Variants in AGBL1 observed in about 807,000 individuals in gnomAD.
The protein encoded by AGBL1 is cytosolic carboxypeptidase 4.
In AGBL1, 130 loss-of-function variants were observed where a neutral mutation model predicts 118.9. The ratio of observed to expected loss-of-function variants is 1.09; its 90% CI spans 0.95 to 1.26. The LOEUF (loss-of-function observed/expected upper bound fraction) is 1.26, where lower values mean the gene tolerates loss of function less well. Ranked by LOEUF, AGBL1 falls within the 50% of genes most tolerant of loss-of-function variation. AGBL1 has a pLI of 0.00. For missense variants in AGBL1, 1,584 were observed against 1,298.1 expected, an observed-to-expected ratio of 1.22 and a Z score of -3.38; for synonymous variants, 555 against 478.9, an observed-to-expected ratio of 1.16 and a Z score of -2.08.
chr15:86,738,011 TATATC>T (rs1396560636), intron 22 of AGBL1, among the ~76,000 whole-genome samples: 2 of 152,180 alleles, frequency 1.3e-5, no homozygotes, highest in Non-Finnish European at 2.9e-5. Flanking sequence ...ATAAATGTGA[TATATC>T]ACATCAACAG....
At chr15:86,671,752 T>C (rs1251816786) in intron 21 of AGBL1, among the ~76,000 whole-genome samples, 1 of 152,160 alleles carries the variant, frequency 6.6e-6, no homozygotes, top group Non-Finnish European at 1.5e-5. Context: ...CAAGTTCTAC[T>C]TGACAGTTAC....
chr15:86,274,181 T>C (rs1325448500), intron 15 of AGBL1, among the ~76,000 whole-genome samples: 1 of 152,248 alleles, frequency 6.6e-6, no homozygotes, highest in Non-Finnish European at 1.5e-5. Flanking sequence ...ACCTAATTGT[T>C]ACATCTTTAT....
At chr15:86,395,980 C>T (rs764335331) in intron 17 of AGBL1, among the ~76,000 whole-genome samples, 11 of 151,594 alleles carry the variant, frequency 7.3e-5, no homozygotes, top group East Asian at 1.9e-4. Context: ...TGAGTAAGAT[C>T]GTATCATGTT....
intron 21 of AGBL1, among the ~76,000 whole-genome samples, chr15:86,644,161 A>C (rs1340062019): frequency 6.6e-6 from 1 of 152,190 alleles, no homozygotes; most frequent in Non-Finnish European, 1.5e-5. Flanking sequence ...TGACTACTTT[A>C]TTATATTGTG....
chr15:86,753,510 G>T (rs150103624), intron 22 of AGBL1, among the ~76,000 whole-genome samples: 136 of 143,564 alleles, frequency 9.5e-4, no homozygotes, highest in African/African-American at 3.3e-3. Flanking sequence ...CAATTCTCTT[G>T]CCTTAGCTTG....
At chr15:86,469,066 C>T (rs1325232500) in intron 18 of AGBL1, among the ~76,000 whole-genome samples, 2 of 151,248 alleles carry the variant, frequency 1.3e-5, no homozygotes, top group Non-Finnish European at 2.9e-5. Context: ...CAACACCTCA[C>T]AAAGTTTGTT....
In AGBL1 at chr15:86,257,970, T is replaced by TTGAAGA. The variant is rs775629809; in HGVS notation, c.912_917dup (p.Glu304_Asp305dup). The TTGAAGA allele has an allele frequency of 6.2e-6, 10 of 1,613,456 alleles. No homozygotes were observed. Among genetic ancestry groups the TTGAAGA allele is most frequent in the Non-Finnish European group, 8.5e-6 (10 of 1,179,762 alleles). On this transcript the variant is annotated inframe_insertion, in exon 9 of 23. Transcript: ENST00000614907. The stretch of plus-strand genomic sequence containing the variant: ...CCTCTTTTTCCCCATCCAGAGGATT[T>TTGAAGA]TGAAGATGATGGCGATGATGAAGTG...
chr15:86,660,284 C>G (rs1295741345), intron 21 of AGBL1, among the ~76,000 whole-genome samples: 1 of 151,960 alleles, frequency 6.6e-6, no homozygotes, highest in Non-Finnish European at 1.5e-5. Context: ...TATTCATTGT[C>G]AAACTGCTCA....
chr15:86,270,144 C>A (rs993088090), intron 14 of AGBL1, 77 bp downstream of exon 14: 59 of 1,516,474 alleles, frequency 3.9e-5, no homozygotes, highest in Non-Finnish European at 5.0e-5. Context: ...ATTCAAAGAG[C>A]CTTTGCTTGG....
chr15:86,456,079 A>G (rs982117872), intron 18 of AGBL1, among the ~76,000 whole-genome samples: 1 of 152,174 alleles, frequency 6.6e-6, no homozygotes, highest in Non-Finnish European at 1.5e-5. Flanking sequence ...CAAGTTATGT[A>G]TATTTTTCTA....
intron 21 of AGBL1, among the ~76,000 whole-genome samples, chr15:86,605,629 G>A (rs544407660): frequency 2.0e-4 from 31 of 152,154 alleles, no homozygotes; most frequent in Non-Finnish European, 1.0e-4. Flanking sequence ...GACAGAAATT[G>A]CCCTCAGAGG....
intron 21 of AGBL1, among the ~76,000 whole-genome samples, chr15:86,659,302 C>T (rs1054012689): frequency 2.6e-5 from 4 of 152,072 alleles, no homozygotes; most frequent in African/African-American, 7.2e-5. Flanking sequence ...TTTAAAGAGC[C>T]ATTAATAAAA....
At chr15:86,192,726 G>T (rs1049648912) in intron 5 of AGBL1, among the ~76,000 whole-genome samples, 3 of 152,106 alleles carry the variant, frequency 2.0e-5, no homozygotes, top group African/African-American at 7.2e-5. Context: ...GTAGGTAGTG[G>T]TATATATGAA....
At chr15:86,719,437 A>G (rs2086684761) in intron 22 of AGBL1, among the ~76,000 whole-genome samples, 3 of 152,196 alleles carry the variant, frequency 2.0e-5, no homozygotes, top group South Asian at 4.1e-4. Flanking sequence ...AGAAAAAGAC[A>G]CAGCATCCTT....
chr15:86,253,620 T>C (rs1949188109), intron 7 of AGBL1, among the ~76,000 whole-genome samples: 1 of 152,282 alleles, frequency 6.6e-6, no homozygotes, highest in Middle Eastern at 3.4e-3. Flanking sequence ...CCAGATCACA[T>C]AGAACTTCCT....
chr15:86,557,882 G>GT (rs1567056794), intron 21 of AGBL1, among the ~76,000 whole-genome samples: 1 of 152,080 alleles, frequency 6.6e-6, no homozygotes, highest in Admixed American at 6.6e-5. Context: ...CTGTCCTTGG[G>GT]TAAGTAGAAA....
intron 17 of AGBL1, among the ~76,000 whole-genome samples, chr15:86,310,139 C>T (rs1394409795): frequency 6.6e-6 from 1 of 152,120 alleles, no homozygotes; most frequent in Non-Finnish European, 1.5e-5. Flanking sequence ...TTTTCTGTTT[C>T]TTCATGATTC....
intron 22 of AGBL1, among the ~76,000 whole-genome samples, chr15:86,765,514 T>C (rs1187146118): frequency 6.6e-6 from 1 of 151,854 alleles, no homozygotes; most frequent in African/African-American, 2.4e-5. Flanking sequence ...GAAAGGAGCA[T>C]TTGCAGAGGA....
chr15:86,900,497 C>T (rs145538516), intron 22 of AGBL1, among the ~76,000 whole-genome samples: 321 of 152,150 alleles, frequency 2.1e-3, no homozygotes, highest in African/African-American at 7.4e-3. Context: ...TTTAATTTTC[C>T]AAACTTGAGT....
Sources: allele counts gnomAD v4.1 joint callset (sites outside exome capture counted in the v4.1 genomes callset), GRCh38; gene constraint gnomAD v4.1.1; transcripts MANE v1.5; gene names NCBI Gene and HGNC (gene_info 2026-07-23, HGNC 2026-07-21).